The following UBE2H variants were observed in gnomAD, a reference collection of about 807,000 sequenced individuals.
UBE2H encodes the protein ubiquitin-conjugating enzyme E2 H.
A neutral mutation model predicts 29.0 loss-of-function variants in UBE2H; 3 were observed. That is an observed-to-expected ratio of 0.10 (90% CI 0.05 to 0.27). The LOEUF is 0.27. Among genes scored for constraint, UBE2H ranks in the 10% least tolerant of loss-of-function variants. The probability of loss-of-function intolerance (pLI) is 1.00; values close to 1 mark genes in which losing one functional copy is unlikely to be tolerated. For missense variants in UBE2H, 68 were observed against 228.2 expected (o/e 0.30, Z 4.52); for synonymous variants, 69 against 82.9 (o/e 0.83, Z 0.91).
chr7:129,883,483 G>A (rs1806295247), intron 1 of UBE2H, among the ~76,000 whole-genome samples: 1 of 152,090 alleles, frequency 6.6e-6, no homozygotes, highest in Admixed American at 6.6e-5. Flanking sequence ...CAATCCAAAC[G>A]TTCATCAATG....
At chr7:129,843,976 G>A (rs1387787597) in intron 5 of UBE2H, among the ~76,000 whole-genome samples, 1 of 152,192 alleles carries the variant, frequency 6.6e-6, no homozygotes, top group Non-Finnish European at 1.5e-5. Context: ...AGTTTAGCGT[G>A]TCCCAGAAAG....
intron 5 of UBE2H, among the ~76,000 whole-genome samples, chr7:129,856,579 G>T (rs1419809973): frequency 2.0e-5 from 3 of 152,238 alleles, no homozygotes; most frequent in Non-Finnish European, 4.4e-5. Flanking sequence ...AGAATCAGCG[G>T]AAGTATACGG....
At chr7:129,889,909 G>A (rs564106534) in intron 1 of UBE2H, among the ~76,000 whole-genome samples, 1 of 152,220 alleles carries the variant, frequency 6.6e-6, no homozygotes, top group East Asian at 1.9e-4. Context: ...AGGATCACAT[G>A]AGCCCAGGAG....
At chr7:129,896,296 C>T (rs1806599727) in intron 1 of UBE2H, among the ~76,000 whole-genome samples, 1 of 151,954 alleles carries the variant, frequency 6.6e-6, no homozygotes, top group Non-Finnish European at 1.5e-5. Flanking sequence ...GAGATCACAC[C>T]ACTGCACACC....
chr7:129,852,563 C>G (rs1038255792), intron 5 of UBE2H, among the ~76,000 whole-genome samples: 2 of 152,202 alleles, frequency 1.3e-5, no homozygotes, highest in African/African-American at 4.8e-5. Context: ...ACTAACTCCC[C>G]AGATAACTCT....
At chr7:129,883,416 C>T (rs943292891) in intron 1 of UBE2H, among the ~76,000 whole-genome samples, 3 of 152,122 alleles carry the variant, frequency 2.0e-5, no homozygotes, top group Admixed American at 6.5e-5. Flanking sequence ...TTACATTCAC[C>T]GAAACCGATG....
chr7:129,935,991 A>G (rs749503681), intron 1 of UBE2H, among the ~76,000 whole-genome samples: 5 of 152,184 alleles, frequency 3.3e-5, no homozygotes, highest in Non-Finnish European at 7.3e-5. Context: ...TAATTTCCAC[A>G]CTAAGAGCCC....
At chr7:129,879,148 G>A (rs1049854559) in intron 3 of UBE2H, among the ~76,000 whole-genome samples, 1 of 152,128 alleles carries the variant, frequency 6.6e-6, no homozygotes, top group African/African-American at 2.4e-5. Context: ...ACCCAGAGTT[G>A]GAGTGAACAA....
chr7:129,841,271 A>G (rs2116271744), intron 5 of UBE2H, among the ~76,000 whole-genome samples: 1 of 152,342 alleles, frequency 6.6e-6, no homozygotes, highest in African/African-American at 2.4e-5. Context: ...GTATTCCTAT[A>G]AAACTACATA....
intron 1 of UBE2H, among the ~76,000 whole-genome samples, chr7:129,897,597 T>C (rs1806624005): frequency 6.6e-6 from 1 of 152,210 alleles, no homozygotes; most frequent in South Asian, 2.1e-4. Context: ...GGTTTTATTC[T>C]GAAAAAAGCA....
intron 5 of UBE2H, among the ~76,000 whole-genome samples, chr7:129,848,353 TGGA>T (rs1805548307): frequency 2.0e-5 from 3 of 152,220 alleles, no homozygotes; most frequent in Non-Finnish European, 4.4e-5. Flanking sequence ...CCTCTCCCTC[TGGA>T]GGAGGACTCC....
chr7:129,952,492 A>G lies in UBE2H; in HGVS notation c.53+11T>C, dbSNP rs564815695. ...CCACACACAGCCCGAATTCCCCTCCACGAAGGATACAGCTTGACCACGTCC... is the reference window on the plus strand; with the variant it reads ...CCACACACAGCCCGAATTCCCCTCCGCGAAGGATACAGCTTGACCACGTCC... On this transcript the variant is annotated intron_variant, in intron 1 of 6. Transcript: ENST00000355621. 339 of 1,612,002 alleles carry G rather than the reference A, an allele frequency of 2.1e-4. 4 individuals carry two copies. The South Asian group carries it at 3.5e-3, about 17-fold the overall frequency.
At chr7:129,937,568 CAAGT>C (rs942140249) in intron 1 of UBE2H, among the ~76,000 whole-genome samples, 1 of 152,086 alleles carries the variant, frequency 6.6e-6, no homozygotes, top group African/African-American at 2.4e-5. Flanking sequence ...GATAAAAAAG[CAAGT>C]GAGTATTCAC....
chr7:129,898,079 G>C (rs755994333), intron 1 of UBE2H, among the ~76,000 whole-genome samples: 2 of 152,136 alleles, frequency 1.3e-5, no homozygotes, highest in Non-Finnish European at 2.9e-5. Context: ...AAAAATTGCT[G>C]TTAAAGAAAC....
At chr7:129,921,197 CT>C (rs1253649372) in intron 1 of UBE2H, among the ~76,000 whole-genome samples, 1 of 152,066 alleles carries the variant, frequency 6.6e-6, no homozygotes, top group East Asian at 1.9e-4. Flanking sequence ...TGTCTCTGAT[CT>C]TTACTCTTGA....
chr7:129,880,275 G>A (rs1359149613), intron 2 of UBE2H, among the ~76,000 whole-genome samples: 1 of 152,220 alleles, frequency 6.6e-6, no homozygotes, highest in Non-Finnish European at 1.5e-5. Flanking sequence ...GGGAGGCTGA[G>A]GCGGGTGGAT....
chr7:129,917,842 A>G (rs1351211860), intron 1 of UBE2H, among the ~76,000 whole-genome samples: 1 of 152,230 alleles, frequency 6.6e-6, no homozygotes, highest in Admixed American at 6.5e-5. Flanking sequence ...TAGGATCTAC[A>G]CAATGCTCAG....
Position 129,938,480 on chromosome 7 carries a change from C to T in UBE2H, c.53+14023G>A, listed in dbSNP as rs551134616. Among the ~76,000 whole-genome samples the T allele has an allele frequency of 2.0e-5, 3 of 146,378 alleles. No homozygotes were observed. The East Asian group carries it at 6.1e-4, about 30-fold the overall frequency. On this transcript the variant is annotated intron_variant, in intron 1 of 6. Transcript: ENST00000355621. ...TTGCAATCCCAGCACTTTGAAAGGC[C>T]GAGGCGGGTGGATCACCTGAGGTCA...
intron 3 of UBE2H, among the ~76,000 whole-genome samples, chr7:129,863,002 G>A (rs1481051506): frequency 6.6e-6 from 1 of 152,206 alleles, no homozygotes; most frequent in Non-Finnish European, 1.5e-5. Context: ...AACGATCTGA[G>A]GCCACGGGGC....
Sources: allele counts gnomAD v4.1 joint callset (sites outside exome capture counted in the v4.1 genomes callset), GRCh38; gene constraint gnomAD v4.1.1; transcripts MANE v1.5; gene names NCBI Gene and HGNC (gene_info 2026-07-23, HGNC 2026-07-21).